Variants in SAMD5 observed in about 807,000 individuals in gnomAD.
SAMD5 encodes the protein sterile alpha motif domain containing 5.
In SAMD5, 13 loss-of-function variants were observed where a neutral mutation model predicts 11.3. That is an observed-to-expected ratio of 1.15 (90% CI 0.75 to 1.83). SAMD5 has a LOEUF of 1.83. Ranked by LOEUF, SAMD5 falls within the 40% of genes most tolerant of loss-of-function variation. The probability of loss-of-function intolerance (pLI) is 0.00; values close to 1 mark genes in which losing one functional copy is unlikely to be tolerated. For synonymous variants in SAMD5, 129 were observed against 111.3 expected (o/e 1.16, Z -1.00); for missense variants, 255 against 239.1 (o/e 1.07, Z -0.44).
chr6:147,549,978 C>T lies in SAMD5; in HGVS notation c.460-14416C>T, dbSNP rs1465582560. On this transcript the variant is annotated intron_variant, in intron 1 of 1. Transcript: ENST00000367474. ...GTCAAAAATAGGCCATACGAGATGG[C>T]TCATGCCTGTAATCCCCACACTGGG... Among the ~76,000 whole-genome samples, 10 of 151,080 alleles carry T rather than the reference C, an allele frequency of 6.6e-5. No homozygotes were observed. The East Asian group carries it at 1.9e-3, about 29-fold the overall frequency.
the SAMD5 span, among the ~76,000 whole-genome samples, chr6:147,799,634 A>T: frequency 7.2e-5 from 11 of 151,784 alleles, no homozygotes; most frequent in Middle Eastern, 3.4e-3. Flanking sequence ...AGATTGGGGA[A>T]ATTCTCCAGG....
intron 1 of SAMD5, among the ~76,000 whole-genome samples, chr6:147,515,023 G>A (rs1046735608): frequency 2.0e-5 from 3 of 152,046 alleles, no homozygotes; most frequent in African/African-American, 7.2e-5. Context: ...TGCCTTGTGT[G>A]TTGGCAGAAG....
At chr6:147,555,572 T>G (rs1381014695) in intron 1 of SAMD5, among the ~76,000 whole-genome samples, 1 of 152,220 alleles carries the variant, frequency 6.6e-6, no homozygotes, top group African/African-American at 2.4e-5. Context: ...ACACATGGAA[T>G]TTTTAAAATA....
At chr6:147,708,282 C>T (rs1011394401) in intron 1 of SAMD5, among the ~76,000 whole-genome samples, 2 of 152,132 alleles carry the variant, frequency 1.3e-5, no homozygotes, top group African/African-American at 4.8e-5. Context: ...AGGAAAAAGA[C>T]GGCCATCCGC....
At chr6:147,840,084 C>T in the SAMD5 span, among the ~76,000 whole-genome samples, 2 of 152,166 alleles carry the variant, frequency 1.3e-5, no homozygotes, top group Admixed American at 1.3e-4. Context: ...TGAGCTTTAG[C>T]ATTCATCAAA....
chr6:147,748,639 T>C, the SAMD5 span, among the ~76,000 whole-genome samples: 5 of 151,948 alleles, frequency 3.3e-5, no homozygotes, highest in Non-Finnish European at 5.9e-5. Context: ...ACAGTTTCAC[T>C]TGGAGAGAAA....
At chr6:147,685,730 A>G (rs527855589) in intron 1 of SAMD5, among the ~76,000 whole-genome samples, 2 of 151,884 alleles carry the variant, frequency 1.3e-5, no homozygotes, top group East Asian at 3.9e-4. Context: ...TTTTTGACCA[A>G]TTTCCTCTGT....
At chr6:147,705,551 T>C (rs533542385) in intron 1 of SAMD5, among the ~76,000 whole-genome samples, 10 of 152,342 alleles carry the variant, frequency 6.6e-5, no homozygotes, top group African/African-American at 2.2e-4. Context: ...CAAAATTCCA[T>C]TAAGAAATAG....
the SAMD5 span, chr6:147,953,593 A>G: frequency 6.6e-6 from 1 of 152,214 alleles, no homozygotes; most frequent in Non-Finnish European, 1.5e-5. Context: ...AATTCTGCCT[A>G]TTTTTGATTA....
chr6:147,847,316 G>T, the SAMD5 span, among the ~76,000 whole-genome samples: 1 of 152,190 alleles, frequency 6.6e-6, no homozygotes, highest in Non-Finnish European at 1.5e-5. Context: ...AGCAGAAACT[G>T]CTGCTCCCTG....
chr6:147,636,818 C>A (rs1790236921), intron 1 of SAMD5, among the ~76,000 whole-genome samples: 1 of 152,202 alleles, frequency 6.6e-6, no homozygotes, highest in Non-Finnish European at 1.5e-5. Context: ...ACCCTGAGAC[C>A]CAGCTAGCTG....
chr6:147,543,757 T>C (rs1197051685), intron 1 of SAMD5, among the ~76,000 whole-genome samples: 1 of 152,190 alleles, frequency 6.6e-6, no homozygotes, highest in Non-Finnish European at 1.5e-5. Flanking sequence ...AGGATGGTTA[T>C]TAAATGAATT....
chr6:147,690,952 C>G (rs1791092158), intron 1 of SAMD5, among the ~76,000 whole-genome samples: 1 of 142,586 alleles, frequency 7.0e-6, no homozygotes, highest in South Asian at 2.2e-4. Context: ...GCCTTTGTTT[C>G]CTTCCAGCTC....
At chr6:147,610,808 G>C (rs1016970661) in intron 1 of SAMD5, among the ~76,000 whole-genome samples, 2 of 151,928 alleles carry the variant, frequency 1.3e-5, no homozygotes, top group Non-Finnish European at 2.9e-5. Context: ...GATGTCCTGG[G>C]ATAGGTGACC....
At chr6:147,939,301 T>C in the SAMD5 span, among the ~76,000 whole-genome samples, 1 of 152,110 alleles carries the variant, frequency 6.6e-6, no homozygotes, top group African/African-American at 2.4e-5. Flanking sequence ...GTAGGAATGA[T>C]TGATTAAATC....
chr6:147,856,824 G>C, the SAMD5 span, among the ~76,000 whole-genome samples: 2 of 61,082 alleles, frequency 3.3e-5, no homozygotes, highest in Non-Finnish European at 5.7e-5. Flanking sequence ...GGGGGCGCGG[G>C]GGGGGGGGGA....
chr6:147,938,694 TTTAGTA>T, the SAMD5 span, among the ~76,000 whole-genome samples: 17 of 152,216 alleles, frequency 1.1e-4, no homozygotes, highest in South Asian at 1.0e-3. Flanking sequence ...ATATCTTTCT[TTTAGTA>T]TTAGAGTTGA....
the SAMD5 span, among the ~76,000 whole-genome samples, chr6:147,807,743 C>T: frequency 2.6e-5 from 4 of 152,224 alleles, no homozygotes; most frequent in African/African-American, 4.8e-5. Context: ...TATTTAGAAC[C>T]TTTCGTGTGT....
chr6:147,729,975 C>G (rs533918079), intron 1 of SAMD5: 49 of 408,542 alleles, frequency 1.2e-4, no homozygotes, highest in Non-Finnish European at 2.1e-4. Context: ...ATCCCAGCTA[C>G]TCGGGAGGCT....
Sources: gnomAD v4.1 joint callset for allele counts (sites outside exome capture counted in the v4.1 genomes callset) on GRCh38, gnomAD v4.1.1 for gene constraint, MANE v1.5 for transcripts, NCBI Gene and HGNC (gene_info 2026-07-23, HGNC 2026-07-21) for gene names.